AMBN: variants seen among roughly 807,000 people sequenced by gnomAD.
AMBN encodes enamel matrix protein.
In AMBN, 54 loss-of-function variants were observed where a neutral mutation model predicts 48.0. The ratio of observed to expected loss-of-function variants is 1.12; its 90% CI spans 0.90 to 1.41. The LOEUF is 1.41. Ranked by LOEUF, AMBN falls within the 40% of genes most tolerant of loss-of-function variation. The pLI is 0.00. For synonymous variants in AMBN, 186 were observed against 190.0 expected, an observed-to-expected ratio of 0.98 and a Z score of 0.17; for missense variants, 571 against 547.3, an observed-to-expected ratio of 1.04 and a Z score of -0.43.
At chr4:70,595,706 G>C (rs1390759967) in intron 2 of AMBN, among the ~76,000 whole-genome samples, 1 of 152,150 alleles carries the variant, frequency 6.6e-6, no homozygotes, top group Admixed American at 6.5e-5. Context: ...CAACCCCTTG[G>C]TCTTAGAAAG....
Position 70,606,181 on chromosome 4 carries a change from C to CT in AMBN, c.799-4_799-3insT. ...GCATCTTTGACGAATGTTTTTTTTTCCAGGGCGGGAGAGAAGACCCAATGG... is the reference window on the plus strand; with the variant it reads ...GCATCTTTGACGAATGTTTTTTTTTCTCAGGGCGGGAGAGAAGACCCAATGG... On this transcript the variant is annotated splice_polypyrimidine_tract_variant and splice_region_variant and intron_variant, in intron 12 of 12. Transcript: ENST00000322937. 1.2e-6 allele frequency: 2 copies of CT among 1,601,092 alleles called. No individual in the cohort carries two copies. Among genetic ancestry groups the CT allele is most frequent in the Non-Finnish European group, 1.7e-6 (2 of 1,175,304 alleles).
chr4:70,606,835 A>G lies in AMBN; in HGVS notation c.*105A>G. On this transcript the variant is annotated 3_prime_UTR_variant, in exon 13 of 13. Coordinates refer to ENST00000322937, the MANE Select transcript of AMBN (RefSeq NM_016519.6). ...CTTATTACCCTTCTGCAGCAAAGGC[A>G]TTAAAAGCGCTAAGCATATATTAAT... The G allele has an allele frequency of 1.6e-6, 2 of 1,262,954 alleles. No individual in the cohort carries two copies. The highest frequency in any genetic ancestry group is 2.1e-6 in the Non-Finnish European group (2 of 935,728). The allele number at this position is 1,262,954 out of a possible 1,614,324, so 78.2% of individuals were successfully genotyped here.
At chr4:70,604,375 T>C (rs1347054390) in intron 12 of AMBN, among the ~76,000 whole-genome samples, 1 of 152,188 alleles carries the variant, frequency 6.6e-6, no homozygotes, top group Non-Finnish European at 1.5e-5. Flanking sequence ...AATGTGATTA[T>C]TATAAATGTC....
rs542436394 is a variant in AMBN at position 70,600,113 on chromosome 4, C to G, written c.294+467C>G. On this transcript the variant is annotated intron_variant, in intron 5 of 12. Transcript: ENST00000322937. Reference sequence around the variant, plus strand: ...CTTGAGGTCAGGAGTTCAAGACCAGCCTGGCCAACATGGTGAAACCCCGTC... The same window carrying G: ...CTTGAGGTCAGGAGTTCAAGACCAGGCTGGCCAACATGGTGAAACCCCGTC... Among the ~76,000 whole-genome samples, 6 of 152,238 alleles carry G rather than the reference C, an allele frequency of 3.9e-5. No homozygotes were observed. The South Asian group carries it at 1.2e-3, about 32-fold the overall frequency.
chr4:70,598,806 G>T (rs891835922), intron 4 of AMBN, among the ~76,000 whole-genome samples: 1 of 151,486 alleles, frequency 6.6e-6, no homozygotes, highest in East Asian at 1.9e-4. Context: ...ACAGAGTGTC[G>T]CTCTGTTGCC....
At chr4:70,599,426 C>A (rs1263134472) in intron 4 of AMBN, 110 bp from the exon 5 acceptor site, 3 of 777,244 alleles carry the variant, frequency 3.9e-6, no homozygotes, top group Non-Finnish European at 3.9e-6. Context: ...GGCGACAGAG[C>A]AAGATTCCAT....
intron 12 of AMBN, among the ~76,000 whole-genome samples, chr4:70,605,089 C>A (rs896897010): frequency 6.6e-6 from 1 of 151,602 alleles, no homozygotes; most frequent in Non-Finnish European, 1.5e-5. Flanking sequence ...AAATCATGGG[C>A]TAAAAGTAAT....
chr4:70,604,091 A>T (rs1737587205), intron 12 of AMBN, among the ~76,000 whole-genome samples, 170 bp downstream of exon 12: 2 of 152,176 alleles, frequency 1.3e-5, no homozygotes, highest in Admixed American at 1.3e-4. Context: ...AGATTTCATC[A>T]TGTTTCCTAT....
rs28435442 is a variant in AMBN, at chr4:70,592,977, A to T, written c.16-350A>T. On this transcript the variant is annotated intron_variant, in intron 1 of 12. Transcript: ENST00000322937. ...TATAAACTTCTGTGAATAATACCTT[A>T]TAGACCAATATTTTACTTAGTGGGA... Among the ~76,000 whole-genome samples, 8 of 152,068 alleles carry T rather than the reference A, an allele frequency of 5.3e-5. No individual in the cohort carries two copies. In the South Asian group the frequency reaches 8.3e-4, roughly 16 times the overall value.
intron 3 of AMBN, among the ~76,000 whole-genome samples, chr4:70,597,674 T>C (rs935395377): frequency 2.6e-5 from 4 of 152,150 alleles, no homozygotes; most frequent in African/African-American, 9.6e-5. Context: ...GAAATTTCCA[T>C]GTGTCATGGT....
Position 70,592,390 on chromosome 4 carries a change from T to A in AMBN, c.15+17T>A, listed in dbSNP as rs1448688541. On this transcript the variant is annotated intron_variant, in intron 1 of 12. Transcript: ENST00000322937. The stretch of plus-strand genomic sequence containing the variant: ...GCATCTAAGGTAAAATGGGATTTTA[T>A]GATTTCCATGTGTTTCCTGTAAATT... The A allele has an allele frequency of 6.2e-7, 1 of 1,613,916 alleles. No homozygotes were observed. Among genetic ancestry groups the A allele is most frequent in the Non-Finnish European group, 8.5e-7 (1 of 1,179,824 alleles).
At chr4:70,602,701 T>G (rs1446597050) in intron 7 of AMBN, 39 bp downstream of exon 7, 2 of 1,528,182 alleles carry the variant, frequency 1.3e-6, no homozygotes, top group Non-Finnish European at 1.8e-6. Flanking sequence ...CTGTATTTTA[T>G]TTTTTAATTT....
intron 5 of AMBN, among the ~76,000 whole-genome samples, chr4:70,600,467 AG>A (rs1418873834): frequency 5.3e-5 from 8 of 152,216 alleles, no homozygotes; most frequent in Non-Finnish European, 1.2e-4. Flanking sequence ...AATGGCTCCA[AG>A]GATTGTGAAA....
chr4:70,606,904 C>T lies in AMBN; in HGVS notation c.*174C>T. On this transcript the variant is annotated 3_prime_UTR_variant, in exon 13 of 13. Transcript: ENST00000322937. ...ATAGTGTAGGTCCCCTTCTTGCTTT[C>T]AATATCTTGTTGAAATAAAATGTGT... is the stretch of plus-strand genomic sequence containing the variant. 1 of 667,484 alleles carries T rather than the reference C, an allele frequency of 1.5e-6. No individual in the cohort carries two copies. The highest frequency in any genetic ancestry group is 2.4e-6 in the Non-Finnish European group (1 of 409,202). 41.3% of individuals were successfully genotyped at this position (667,484 alleles called of 1,614,324 possible).
intron 6 of AMBN, chr4:70,601,964 C>A: frequency 2.0e-6 from 1 of 506,276 alleles, no homozygotes; most frequent in Admixed American, 2.3e-5. Context: ...TCCAGGTTTC[C>A]TATCACTGGT....
chr4:70,593,812 C>T lies in AMBN; in HGVS notation c.84+417C>T, dbSNP rs559764125. ...CCTGGGAGGCGGAGGTTGCAGTAAG[C>T]CAAGATTGTGCCACTACACTCCAGC... On this transcript the variant is annotated intron_variant, in intron 2 of 12. Coordinates refer to ENST00000322937, the MANE Select transcript of AMBN (RefSeq NM_016519.6). 4.6e-5 allele frequency among the ~76,000 whole-genome samples: 7 copies of T among 150,944 alleles called. No individual in the cohort carries two copies. The East Asian group carries it at 1.4e-3, about 29-fold the overall frequency.
chr4:70,599,483 T>TGTTATATTTAACATTTAAATATAACATTG, intron 4 of AMBN, 53 bp from the exon 5 acceptor site: 2 of 1,278,528 alleles, frequency 1.6e-6, no homozygotes, highest in African/African-American at 1.5e-5. Flanking sequence ...ATATAACCAA[T>TGTTATATTTAACATTTAAATATAACATTG]GTTATATTTA....
Position 70,606,177 on chromosome 4 carries a change from T to C in AMBN, c.799-8T>C, listed in dbSNP as rs1737638586. On this transcript the variant is annotated splice_region_variant and splice_polypyrimidine_tract_variant and intron_variant, in intron 12 of 12. Coordinates refer to ENST00000322937, the MANE Select transcript of AMBN (RefSeq NM_016519.6). ...GATGGCATCTTTGACGAATGTTTTT[T>C]TTTCCAGGGCGGGAGAGAAGACCCA... 1 of 1,612,314 alleles carries C rather than the reference T, an allele frequency of 6.2e-7. No homozygotes were observed. Among genetic ancestry groups the C allele is most frequent in the Admixed American group, 1.7e-5 (1 of 59,800 alleles).
rs776268348 is a variant in AMBN, at chr4:70,599,533, T to C, written c.184-3T>C. On this transcript the variant is annotated splice_region_variant and splice_polypyrimidine_tract_variant and intron_variant, in intron 4 of 12. Transcript: ENST00000322937. ...GCATGTCTTTTTTTATCCATGTCTT[T>C]AGTATTCTAGATACGGCTTTGGAAA... is the stretch of plus-strand genomic sequence containing the variant. The C allele has an allele frequency of 1.6e-5, 25 of 1,588,674 alleles. No homozygotes were observed. Among genetic ancestry groups the C allele is most frequent in the Non-Finnish European group, 2.1e-5 (24 of 1,160,746 alleles).
Sources: gnomAD v4.1 joint callset for allele counts (sites outside exome capture counted in the v4.1 genomes callset) on GRCh38, gnomAD v4.1.1 for gene constraint, MANE v1.5 for transcripts, NCBI Gene and HGNC (gene_info 2026-07-23, HGNC 2026-07-21) for gene names.